Variants in PIGU observed in about 807,000 individuals in gnomAD.
The protein encoded by PIGU is GPI-anchor transamidase component PIGU.
A neutral mutation model predicts 49.9 loss-of-function variants in PIGU; 24 were observed. The observed-to-expected ratio is 0.48, with a 90% CI of 0.35 to 0.68. The LOEUF (loss-of-function observed/expected upper bound fraction) is 0.68, where lower values mean the gene tolerates loss of function less well. PIGU is among the 30% of genes least tolerant of loss of function. The pLI is 0.01. For missense variants in PIGU, 490 were observed against 532.6 expected (o/e 0.92, Z 0.79); for synonymous variants, 220 against 205.7 (o/e 1.07, Z -0.59).
chr20:34,644,145 C>A lies in PIGU; in HGVS notation c.318+19G>T. On this transcript the variant is annotated intron_variant, in intron 4 of 11. Coordinates refer to ENST00000217446, the MANE Select transcript of PIGU (RefSeq NM_080476.5). ...GTTACCAAATTCCACCAGCTTTGCT[C>A]CACCCACAAACTACTTACCACAACT... 6.3e-7 allele frequency: 1 copy of A among 1,590,656 alleles called. No individual in the cohort carries two copies. The highest frequency in any genetic ancestry group is 1.1e-5 in the South Asian group (1 of 90,484).
chr20:34,659,471 G>C (rs1986860105), intron 1 of PIGU, among the ~76,000 whole-genome samples: 1 of 151,814 alleles, frequency 6.6e-6, no homozygotes, highest in Non-Finnish European at 1.5e-5. Context: ...CGTCCGGGAG[G>C]TGAGGGGCGC....
At chr20:34,661,581 G>A (rs1986927986) in intron 1 of PIGU, among the ~76,000 whole-genome samples, 2 of 151,454 alleles carry the variant, frequency 1.3e-5, no homozygotes, top group African/African-American at 2.4e-5. Context: ...AGTGTTCCAT[G>A]GTGTATATGT....
intron 6 of PIGU, among the ~76,000 whole-genome samples, chr20:34,628,599 C>T (rs1005095411): frequency 2.6e-5 from 4 of 152,138 alleles, no homozygotes; most frequent in Admixed American, 1.3e-4. Context: ...ACCTGTAACC[C>T]CAGCACTTTG....
At chr20:34,658,955 T>G (rs1600667375) in intron 1 of PIGU, among the ~76,000 whole-genome samples, 3 of 123,808 alleles carry the variant, frequency 2.4e-5, no homozygotes, top group Admixed American at 8.2e-5. Flanking sequence ...GGCGGAGGGG[T>G]CAGCCCCCCG....
At chr20:34,672,158 C>G (rs1385899117) in intron 1 of PIGU, among the ~76,000 whole-genome samples, 1 of 151,968 alleles carries the variant, frequency 6.6e-6, no homozygotes, top group African/African-American at 2.4e-5. Flanking sequence ...CCAGGCTGGT[C>G]TCAAACTCCT....
chr20:34,667,316 A>G (rs1427210409), intron 1 of PIGU, among the ~76,000 whole-genome samples: 1 of 152,206 alleles, frequency 6.6e-6, no homozygotes, highest in African/African-American at 2.4e-5. Context: ...GCATCACTCC[A>G]GCTGCAATGA....
At chr20:34,582,778 T>C (rs1426882748) in intron 9 of PIGU, among the ~76,000 whole-genome samples, 2 of 152,162 alleles carry the variant, frequency 1.3e-5, no homozygotes, top group Non-Finnish European at 2.9e-5. Context: ...TAGTAAGCGA[T>C]GGAGTTGTCT....
chr20:34,615,989 G>T, intron 7 of PIGU, 53 bp downstream of exon 7: 1 of 1,566,158 alleles, frequency 6.4e-7, no homozygotes, highest in Admixed American at 2.0e-5. Context: ...GCAGGGACCA[G>T]GCCATGTATT....
At chr20:34,611,490 C>A (rs1185062538) in intron 7 of PIGU, among the ~76,000 whole-genome samples, 3 of 151,492 alleles carry the variant, frequency 2.0e-5, no homozygotes, top group African/African-American at 7.3e-5. Context: ...ACTAAAAATA[C>A]AAAAAATGAG....
In PIGU at chr20:34,592,397, T is replaced by A. The variant is rs978649469; in HGVS notation, c.628-3790A>T. ...CAAAACCAAATCTAGTTCTTAGAAA[T>A]GACTCATGTTATTGATGGCTTTCTA... is the stretch of plus-strand genomic sequence containing the variant. On this transcript the variant is annotated intron_variant, in intron 7 of 11. Coordinates refer to ENST00000217446, the MANE Select transcript of PIGU (RefSeq NM_080476.5). Among the ~76,000 whole-genome samples the A allele has an allele frequency of 4.1e-5, 6 of 146,288 alleles. No homozygotes were observed. The South Asian group carries it at 1.3e-3, about 31-fold the overall frequency.
intron 7 of PIGU, among the ~76,000 whole-genome samples, chr20:34,608,071 CTT>C (rs10555161): frequency 0.34 from 41,194 of 122,844 alleles, 5,373 homozygotes; most frequent in Admixed American, 0.47. Context: ...GGAGACATGA[CTT>C]TTTTTTTTTT....
At chr20:34,617,008 G>T (rs1423249005) in intron 6 of PIGU, among the ~76,000 whole-genome samples, 1 of 152,228 alleles carries the variant, frequency 6.6e-6, no homozygotes, top group Non-Finnish European at 1.5e-5. Context: ...TACTCAGGAG[G>T]CTGAGGCAGA....
intron 8 of PIGU, among the ~76,000 whole-genome samples, chr20:34,587,342 A>G (rs1403343832): frequency 6.6e-6 from 1 of 152,124 alleles, no homozygotes; most frequent in East Asian, 1.9e-4. Context: ...TAGCTTCCAG[A>G]GTTTTGTCGG....
intron 6 of PIGU, among the ~76,000 whole-genome samples, chr20:34,617,410 G>T (rs144913124): frequency 5.6e-4 from 86 of 152,370 alleles, no homozygotes; most frequent in African/African-American, 2.0e-3. Flanking sequence ...GCATGACCCA[G>T]ATGTGAGACA....
chr20:34,647,770 C>A (rs1011529427), intron 2 of PIGU, among the ~76,000 whole-genome samples: 2 of 152,106 alleles, frequency 1.3e-5, no homozygotes, highest in African/African-American at 4.8e-5. Context: ...ACTTGCTTAA[C>A]GGTCCATTAT....
intron 6 of PIGU, among the ~76,000 whole-genome samples, chr20:34,626,428 G>A (rs933317054): frequency 6.6e-5 from 10 of 151,230 alleles, no homozygotes; most frequent in African/African-American, 1.5e-4. Context: ...TCAGCCTCCC[G>A]AGTAGTTGGG....
chr20:34,611,571 G>C (rs1353631205), intron 7 of PIGU, among the ~76,000 whole-genome samples: 1 of 149,918 alleles, frequency 6.7e-6, no homozygotes, highest in Non-Finnish European at 1.5e-5. Context: ...GCTTGAACCT[G>C]GGAGGCAGAG....
chr20:34,591,736 T>G (rs1983997541), intron 7 of PIGU, among the ~76,000 whole-genome samples: 1 of 152,218 alleles, frequency 6.6e-6, no homozygotes, highest in Admixed American at 6.5e-5. Context: ...ACTATAGTCA[T>G]GTTGCATAAT....
At chr20:34,654,966 T>C (rs547798010) in intron 2 of PIGU, among the ~76,000 whole-genome samples, 2 of 107,346 alleles carry the variant, frequency 1.9e-5, no homozygotes, top group African/African-American at 3.5e-5. Flanking sequence ...GATTGCACCA[T>C]TGCACTCCAT....
Sources: gnomAD v4.1 joint callset for allele counts (sites outside exome capture counted in the v4.1 genomes callset) on GRCh38, gnomAD v4.1.1 for gene constraint, MANE v1.5 for transcripts, NCBI Gene and HGNC (gene_info 2026-07-23, HGNC 2026-07-21) for gene names.